The following CDHR1 variants were observed in gnomAD, a reference collection of about 807,000 sequenced individuals.
CDHR1 encodes the protein cadherin related family member 1.
In CDHR1, 61 loss-of-function variants were observed where a neutral mutation model predicts 72.1. The ratio of observed to expected loss-of-function variants is 0.85; its 90% confidence interval spans 0.69 to 1.05. The LOEUF (loss-of-function observed/expected upper bound fraction) is 1.05. Among genes scored for constraint, CDHR1 ranks in the 50% least tolerant of loss-of-function variants. CDHR1 has a pLI of 0.00. For missense variants in CDHR1, 1,186 were observed against 1,115.7 expected (o/e 1.06, Z -0.90); for synonymous variants, 470 against 448.1 (o/e 1.05, Z -0.62).
rs1346965647 is a variant in CDHR1, at chr10:84,211,662, TACAGG to T, written c.1503_1507del (p.Gly502LeufsTer32). 2.5e-6 allele frequency: 4 copies of T among 1,614,006 alleles called. No individual in the cohort carries two copies. Among genetic ancestry groups the T allele is most frequent in the Non-Finnish European group, 3.4e-6 (4 of 1,180,002 alleles). On this transcript the variant is annotated frameshift_variant, in exon 14 of 17. Coordinates refer to ENST00000623527, the MANE Select transcript of CDHR1 (RefSeq NM_033100.4). LOFTEE classifies it high-confidence loss of function. Reference sequence around the variant, plus strand: ...TTCTCTTCCAGGCTGTGGATCCAGATACAGGACCCTGGGGCGAAGTGAAATATTCC... The same window carrying T: ...TTCTCTTCCAGGCTGTGGATCCAGATACCCTGGGGCGAAGTGAAATATTCC...
rs1842106227 is a variant in CDHR1 at position 84,200,601 on chromosome 10, G to A, written c.439G>A (p.Asp147Asn). 3 of 1,608,700 alleles carry A rather than the reference G, an allele frequency of 1.9e-6. No individual in the cohort carries two copies. The highest frequency in any genetic ancestry group is 2.5e-6 in the Non-Finnish European group (3 of 1,177,438). ...TCCCCTGTGGCTGTGACCCCCTCAG[G>A]ACATACCTGCTGGGAGCATCATCTT... ...QEPYVALVPEDIPAGSIIFKV... is the reference protein window; with the variant it reads ...QEPYVALVPENIPAGSIIFKV... The change falls in exon 6 of 17, where the codon GAC becomes AAC. Residue 147 changes from aspartate to asparagine, a missense_variant and splice_region_variant. By Grantham distance (23) the Asp-to-Asn change is conservative. Transcript: ENST00000623527.
Position 84,211,674 on chromosome 10 carries a change from G to T in CDHR1, c.1512G>T (p.Trp504Cys), listed in dbSNP as rs1253136451. The change falls in exon 14 of 17, where the codon TGG becomes TGT. Residue 504 changes from tryptophan (W) to cysteine (C), a missense_variant. By Grantham distance (215) the Trp-to-Cys change is radical. Transcript: ENST00000623527. The stretch of plus-strand genomic sequence containing the variant: ...CTGTGGATCCAGATACAGGACCCTG[G>T]GGCGAAGTGAAATATTCCACCTATG... ...VTAVDPDTGP[W>C]GEVKYSTYGT... The T allele has an allele frequency of 3.1e-6, 5 of 1,614,054 alleles. No homozygotes were observed. The highest frequency in any genetic ancestry group is 3.4e-6 in the Non-Finnish European group (4 of 1,180,024).
At chr10:84,200,986 G>A (rs375332619) in intron 6 of CDHR1, among the ~76,000 whole-genome samples, 66 of 152,266 alleles carry the variant, frequency 4.3e-4, no homozygotes, top group African/African-American at 1.4e-3. Context: ...GGAGAACCCC[G>A]TGTAGGCCCA....
chr10:84,199,607 C>T (rs919324413), intron 5 of CDHR1, among the ~76,000 whole-genome samples: 14 of 152,198 alleles, frequency 9.2e-5, no homozygotes, highest in Non-Finnish European at 7.3e-5. Flanking sequence ...CTATCATTTA[C>T]AGAATCATTG....
intron 1 of CDHR1, among the ~76,000 whole-genome samples, chr10:84,195,187 GC>G (rs978489626): frequency 9.9e-5 from 15 of 152,234 alleles, no homozygotes; most frequent in Non-Finnish European, 2.2e-4. Context: ...CTGGGGCACT[GC>G]CCCTCTCCGA....
chr10:84,196,104 G>A (rs899646568), intron 2 of CDHR1, among the ~76,000 whole-genome samples: 1 of 152,154 alleles, frequency 6.6e-6, no homozygotes, highest in African/African-American at 2.4e-5. Context: ...TGCACTGTGG[G>A]TCACCCCTCC....
rs1564668214 is a variant in CDHR1, at chr10:84,217,512, C to T, written c.*2891C>T. On this transcript the variant is annotated 3_prime_UTR_variant, in exon 17 of 17. Coordinates refer to ENST00000623527, the MANE Select transcript of CDHR1 (RefSeq NM_033100.4). ...ACTTTGGGCAAGAGGTCAAGTCTCT[C>T]TGGGCCTCACTTTCCTCATTAACAC... is the stretch of plus-strand genomic sequence containing the variant. 1 of 975,484 alleles carries T rather than the reference C, an allele frequency of 1.0e-6. No homozygotes were observed. Among genetic ancestry groups the T allele is most frequent in the Non-Finnish European group, 1.2e-6 (1 of 820,964 alleles). 60.4% of individuals were successfully genotyped at this position (975,484 alleles called of 1,614,324 possible).
chr10:84,196,747 A>T, intron 3 of CDHR1, 97 bp downstream of exon 3: 1 of 1,413,262 alleles, frequency 7.1e-7, no homozygotes, highest in Non-Finnish European at 1.0e-6. Flanking sequence ...GAACCTCTCC[A>T]CAGAGTAGGG....
intron 5 of CDHR1, among the ~76,000 whole-genome samples, chr10:84,199,468 A>G (rs958820368): frequency 6.6e-6 from 1 of 152,048 alleles, no homozygotes; most frequent in Non-Finnish European, 1.5e-5. Flanking sequence ...TTTGTTTGGC[A>G]TAGTTGTGAT....
chr10:84,205,981 T>C (rs1842219325), intron 10 of CDHR1, 54 bp downstream of exon 10: 5 of 1,396,396 alleles, frequency 3.6e-6, no homozygotes, highest in Non-Finnish European at 5.1e-6. Context: ...TGGAAGTCTA[T>C]AAAGGTGAAG....
chr10:84,214,471 C>A lies in CDHR1; in HGVS notation c.2430C>A (p.Thr810=), dbSNP rs149954991. The change falls in exon 17 of 17, where the codon ACC becomes ACA. Residue 810 remains threonine (T), a synonymous_variant. Transcript: ENST00000623527. ...VAPSTGAAQW[T]VPTVSGSLTP... ...CCAGCACTGGCGCAGCCCAGTGGAC[C>A]GTGCCTACTGTCTCTGGCTCTCTCA... is the stretch of plus-strand genomic sequence containing the variant. 840 of 1,610,568 alleles carry A rather than the reference C, an allele frequency of 5.2e-4. 2 individuals carry two copies. In the African/African-American group the frequency reaches 9.9e-3, roughly 19 times the overall value.
Position 84,200,674 on chromosome 10 carries a change from C to T in CDHR1, c.512C>T (p.Thr171Ile), listed in dbSNP as rs759855253. Reference protein sequence around the residue: ...DRDTGSGGSVTYFLQNLHSPF... With the variant: ...DRDTGSGGSVIYFLQNLHSPF... ...GACACAGGCTCTGGAGGGAGTGTCACCTACTTCCTGCAGGTAAGGCAGGAC... is the reference window on the plus strand; with the variant it reads ...GACACAGGCTCTGGAGGGAGTGTCATCTACTTCCTGCAGGTAAGGCAGGAC... Residue 171 changes from threonine (T) to isoleucine (I), a missense_variant, in exon 6 of 17, where the codon ACC becomes ATC. By Grantham distance (89) the Thr-to-Ile change is moderately conservative. Coordinates refer to ENST00000623527, the MANE Select transcript of CDHR1 (RefSeq NM_033100.4). 4.3e-6 allele frequency: 7 copies of T among 1,610,228 alleles called. No individual in the cohort carries two copies. The Admixed American group carries it at 1.0e-4, about 23-fold the overall frequency.
In CDHR1 at chr10:84,214,843, G is replaced by A; in HGVS notation, c.*222G>A. 6.8e-7 allele frequency: 1 copy of A among 1,463,912 alleles called. No individual in the cohort carries two copies. The highest frequency in any genetic ancestry group is 8.9e-7 in the Non-Finnish European group (1 of 1,118,422). 90.7% of individuals were successfully genotyped at this position (1,463,912 alleles called of 1,614,324 possible). ...GCCTTGGGCAAGACATTGGGCTCTA[G>A]GATGCAATTGGCAAATACGTCCCCG... On this transcript the variant is annotated 3_prime_UTR_variant, in exon 17 of 17. Transcript: ENST00000623527.
chr10:84,199,471 G>T (rs1032258863), intron 5 of CDHR1, among the ~76,000 whole-genome samples: 2 of 152,130 alleles, frequency 1.3e-5, no homozygotes, highest in African/African-American at 2.4e-5. Flanking sequence ...GTTTGGCATA[G>T]TTGTGATTAT....
In CDHR1 at chr10:84,212,254, G is replaced by A. The variant is rs955171844; in HGVS notation, c.1629G>A (p.Arg543=). The change falls in exon 15 of 17, where the codon AGG becomes AGA. Residue 543 remains arginine (R), a synonymous_variant. Coordinates refer to ENST00000623527, the MANE Select transcript of CDHR1 (RefSeq NM_033100.4). Reference sequence around the variant, plus strand: ...GCCTGGACGCTGAGGCCACTGCCAGGTACAACTTCTATGTGAAGGCAGAGG... The same window carrying A: ...GCCTGGACGCTGAGGCCACTGCCAGATACAACTTCTATGTGAAGGCAGAGG... ...WASLDAEATA[R]YNFYVKAEDM... 2.5e-6 allele frequency: 4 copies of A among 1,614,238 alleles called. No individual in the cohort carries two copies.
intron 10 of CDHR1, among the ~76,000 whole-genome samples, chr10:84,206,167 AGAGGCG>A (rs1191658767): frequency 6.7e-6 from 1 of 148,732 alleles, no homozygotes; most frequent in African/African-American, 2.4e-5. Context: ...GCATGCTGCC[AGAGGCG>A]GGCATTGGGT....
chr10:84,194,816 G>A lies in CDHR1; in HGVS notation c.55+1G>A, dbSNP rs547198427. On this transcript the variant is annotated splice_donor_variant, in intron 1 of 16. Coordinates refer to ENST00000623527, the MANE Select transcript of CDHR1 (RefSeq NM_033100.4). LOFTEE classifies it high-confidence loss of function. ...CTGGGGCTGCTGCGCCTCTGCTTGG[G>A]TGAGTGGCCGCTGGGCCGCGCTGGC... is the stretch of plus-strand genomic sequence containing the variant. 6.8e-5 allele frequency: 105 copies of A among 1,532,974 alleles called. No individual in the cohort carries two copies. In the African/African-American group the frequency reaches 1.2e-3, roughly 18 times the overall value. The allele number at this position is 1,532,974 out of a possible 1,614,324, so 95.0% of individuals were successfully genotyped here.
At chr10:84,204,707 A>C in intron 9 of CDHR1, 102 bp downstream of exon 9, 1 of 807,584 alleles carries the variant, frequency 1.2e-6, no homozygotes, top group South Asian at 1.4e-5. Context: ...CTGTAGGACC[A>C]GGATTACAAG....
At chr10:84,207,015 G>T (rs574237146) in intron 10 of CDHR1, among the ~76,000 whole-genome samples, 15 of 152,290 alleles carry the variant, frequency 9.8e-5, no homozygotes, top group Admixed American at 5.2e-4. Flanking sequence ...GTCCCGTGCC[G>T]TCAGGAGTAC....
Sources: allele counts gnomAD v4.1 joint callset (sites outside exome capture counted in the v4.1 genomes callset), GRCh38; gene constraint gnomAD v4.1.1; transcripts MANE v1.5; gene names NCBI Gene and HGNC (gene_info 2026-07-23, HGNC 2026-07-21).